Variants in HERC1 observed in about 807,000 individuals in gnomAD.
The protein encoded by HERC1 is probable E3 ubiquitin-protein ligase HERC1.
A neutral mutation model predicts 554.3 loss-of-function variants in HERC1; 160 were observed. That is an observed-to-expected ratio of 0.29 (90% CI 0.25 to 0.33). HERC1 has a LOEUF of 0.33. Ranked by LOEUF, HERC1 falls within the 10% of genes least tolerant of loss-of-function variation. The probability of loss-of-function intolerance (pLI) is 1.00; values close to 1 mark genes in which losing one functional copy is unlikely to be tolerated. For synonymous variants in HERC1, 2,175 were observed against 2,131.7 expected (o/e 1.02, Z -0.56); for missense variants, 4,919 against 5,918.5 (o/e 0.83, Z 5.54).
At position 63,734,882 on chromosome 15, in the gene HERC1, C is replaced by G; in HGVS notation, c.2521-33G>C. 6.3e-7 allele frequency: 1 copy of G among 1,585,874 alleles called. No homozygotes were observed. The highest frequency in any genetic ancestry group is 1.7e-4 in the Middle Eastern group (1 of 5,970). ...CAAAAGAGAAAAGTATACTGATTGG[C>G]CTGGTTCTTAGTTTTTAATAAAAAC... On this transcript the variant is annotated intron_variant, in intron 12 of 77. Transcript: ENST00000443617. This position sits in a 1 kb window ranked among gnomAD's most constrained non-coding sequence, Gnocchi z 4.6.
At chr15:63,722,637 G>A (rs554610852) in intron 19 of HERC1, among the ~76,000 whole-genome samples, 5 of 152,252 alleles carry the variant, frequency 3.3e-5, no homozygotes, top group Non-Finnish European at 7.4e-5. Context: ...TACTGCTGCG[G>A]TATCACAGTG....
intron 64 of HERC1, among the ~76,000 whole-genome samples, chr15:63,636,731 G>A (rs1048673021): frequency 3.9e-5 from 6 of 152,066 alleles, no homozygotes; most frequent in African/African-American, 7.2e-5. Flanking sequence ...TGCTTTACAT[G>A]GATTATCTCA....
At chr15:63,778,729 C>T (rs1427515647) in intron 1 of HERC1, among the ~76,000 whole-genome samples, 1 of 152,078 alleles carries the variant, frequency 6.6e-6, no homozygotes, top group African/African-American at 2.4e-5. Context: ...CAAAAACGAA[C>T]ATGAGAAAAC....
rs77438195 is a variant in HERC1, at chr15:63,829,013, T to C, written c.-27+4814A>G. Among the ~76,000 whole-genome samples the C allele has an allele frequency of 5.5e-3, 845 of 152,308 alleles. 12 individuals carry two copies. Among genetic ancestry groups the C allele is most frequent in the African/African-American group, 0.02 (815 of 41,556 alleles). On this transcript the variant is annotated intron_variant, in intron 1 of 77. Coordinates refer to ENST00000443617, the MANE Select transcript of HERC1 (RefSeq NM_003922.4). Reference sequence around the variant, plus strand: ...CAAATAAGTGAGTATACTTACTCTATATCATGAAAGCCAGGTTTCTGACAG... The same window carrying C: ...CAAATAAGTGAGTATACTTACTCTACATCATGAAAGCCAGGTTTCTGACAG...
At chr15:63,668,603 T>C (rs184691167) in intron 40 of HERC1, among the ~76,000 whole-genome samples, 4 of 152,080 alleles carry the variant, frequency 2.6e-5, no homozygotes, top group African/African-American at 9.6e-5. Flanking sequence ...AGACAAACCA[T>C]CCTAACAATT....
At chr15:63,808,684 C>A (rs1213827578) in intron 1 of HERC1, among the ~76,000 whole-genome samples, 1 of 152,064 alleles carries the variant, frequency 6.6e-6, no homozygotes, top group Admixed American at 6.6e-5. Context: ...GTAATAGATA[C>A]AATTAATCCA....
At chr15:63,641,754 G>T in intron 59 of HERC1, 111 bp from the exon 60 acceptor site, 1 of 866,474 alleles carries the variant, frequency 1.2e-6, no homozygotes, top group Non-Finnish European at 1.7e-6. Flanking sequence ...TTTGCTTTTT[G>T]GATATTTTAT....
rs2899693 is a variant in HERC1, at chr15:63,740,966, G to T, written c.2520+5952C>A. ...TTTTCCTTTGGTTGTTTGTGCTTTT[G>T]ATGTCATAGCTAAGAAACCATTGCC... On this transcript the variant is annotated intron_variant, in intron 12 of 77. Transcript: ENST00000443617. 4.7e-3 allele frequency among the ~76,000 whole-genome samples: 714 copies of T among 151,578 alleles called. 21 individuals carry two copies. The highest frequency in any genetic ancestry group is 0.04 in the Admixed American group (610 of 15,236).
At chr15:63,698,287 G>A (rs572661533) in intron 26 of HERC1, among the ~76,000 whole-genome samples, 13 of 152,052 alleles carry the variant, frequency 8.5e-5, no homozygotes, top group East Asian at 1.9e-4. Context: ...GCATGGTGGC[G>A]CATGCCTATA....
intron 36 of HERC1, among the ~76,000 whole-genome samples, chr15:63,679,613 G>A (rs2152995022): frequency 6.6e-6 from 1 of 152,300 alleles, no homozygotes; most frequent in South Asian, 2.1e-4. Flanking sequence ...AGTTTACAAT[G>A]GAGGGTATCC....
intron 17 of HERC1, among the ~76,000 whole-genome samples, chr15:63,726,503 T>TAA (rs2074046335): frequency 6.6e-6 from 1 of 152,052 alleles, no homozygotes; most frequent in Admixed American, 6.6e-5. Flanking sequence ...AAAATAGGAA[T>TAA]AAACAGGATA....
In HERC1 at chr15:63,666,019, G is replaced by C; in HGVS notation, c.8455C>G (p.Leu2819Val). 1.2e-6 allele frequency: 2 copies of C among 1,613,996 alleles called. No homozygotes were observed. Among genetic ancestry groups the C allele is most frequent in the Non-Finnish European group, 8.5e-7 (1 of 1,179,882 alleles). ...TADSRPGAAV[L>V]GSGGKSNDPC... ...TCATTTGACTTCCCGCCACTGCCTA[G>C]AACGGCTGCTCCAGGCCTAGAGTCT... Residue 2819 changes from leucine (L) to valine (V), a missense_variant, in exon 42 of 78, where the codon CTA becomes GTA. By Grantham distance (32) the Leu-to-Val change is conservative. This residue lies in a region of HERC1 where 1,963 missense variants were observed against 2,228.6 expected (regional missense o/e 0.88). Transcript: ENST00000443617.
chr15:63,650,780 A>G (rs2069635410), intron 53 of HERC1, among the ~76,000 whole-genome samples: 1 of 152,356 alleles, frequency 6.6e-6, no homozygotes, highest in East Asian at 1.9e-4. Context: ...TTCCTCAAAT[A>G]TGTGACACAG....
chr15:63,702,868 G>A (rs1567031370), intron 25 of HERC1, among the ~76,000 whole-genome samples: 2 of 152,194 alleles, frequency 1.3e-5, no homozygotes, highest in Non-Finnish European at 2.9e-5. Context: ...TACTTTGGGA[G>A]ACCAAGGTGG....
chr15:63,680,480 G>A lies in HERC1; in HGVS notation c.6465+57C>T, dbSNP rs562286044. On this transcript the variant is annotated intron_variant, in intron 35 of 77. Transcript: ENST00000443617. This position sits in a 1 kb window ranked among gnomAD's most constrained non-coding sequence, Gnocchi z 5.8. ...CTGAATACGTGGCACTTGAATAACCGAGTTGACTATAAATAGAAACAAGAA... is the reference window on the plus strand; with the variant it reads ...CTGAATACGTGGCACTTGAATAACCAAGTTGACTATAAATAGAAACAAGAA... The A allele has an allele frequency of 2.2e-5, 34 of 1,573,324 alleles. No homozygotes were observed. The highest frequency in any genetic ancestry group is 1.7e-4 in the Middle Eastern group (1 of 5,850).
In HERC1 at chr15:63,630,586, C is replaced by T. The variant is rs906878955; in HGVS notation, c.12846G>A (p.Pro4282=). The change falls in exon 69 of 78, where the codon CCG becomes CCA. Residue 4282 remains proline (P), a synonymous_variant. Transcript: ENST00000443617. ...PEGRARNHNR[P]QQIPVLAGVI... is the part of the protein sequence containing the mutation. ...CTCCAGCCAGGACAGGGATTTGTTG[C>T]GGTCGATTGTGATTGCGAGCACGCC... The T allele has an allele frequency of 7.4e-6, 12 of 1,613,832 alleles. No homozygotes were observed. The highest frequency in any genetic ancestry group is 5.0e-5 in the Admixed American group (3 of 59,982).
intron 67 of HERC1, 29 bp downstream of exon 67, chr15:63,633,819 T>A: frequency 1.2e-6 from 2 of 1,605,954 alleles, no homozygotes; most frequent in Non-Finnish European, 1.7e-6. Flanking sequence ...TTATGTTGTC[T>A]GAAAACCTAG....
intron 27 of HERC1, 48 bp downstream of exon 27, chr15:63,696,076 T>G (rs776131011): frequency 1.5e-6 from 2 of 1,362,334 alleles, no homozygotes; most frequent in Middle Eastern, 2.4e-4. Context: ...TAAAGTGGCT[T>G]TGTAAAATGA....
chr15:63,826,807 AAAAAAAAATATATATATATAT>A (rs2077937091), intron 1 of HERC1, among the ~76,000 whole-genome samples: 1 of 68,238 alleles, frequency 1.5e-5, no homozygotes, highest in African/African-American at 6.4e-5. Context: ...AAAAAAAAAA[AAAAAAAAATATATATATATAT>A]ATATATATAT....
Sources: allele counts gnomAD v4.1 joint callset (sites outside exome capture counted in the v4.1 genomes callset), GRCh38; gene constraint gnomAD v4.1.1; regional missense constraint gnomAD v4.1.1; non-coding constraint Gnocchi (gnomAD v3.1); transcripts MANE v1.5; gene names NCBI Gene and HGNC (gene_info 2026-07-23, HGNC 2026-07-21).